The following RGS3 variants were observed in gnomAD, a reference collection of about 807,000 sequenced individuals.
RGS3 encodes the protein regulator of G-protein signalling 3.
In RGS3, 80 loss-of-function variants were observed where a neutral mutation model predicts 132.6. The observed-to-expected ratio is 0.60, with a 90% CI of 0.50 to 0.73. The LOEUF (loss-of-function observed/expected upper bound fraction) is 0.73, where lower values mean the gene tolerates loss of function less well. Among genes scored for constraint, RGS3 ranks in the 30% least tolerant of loss-of-function variants. RGS3 has a pLI of 0.00. For missense variants in RGS3, 1,382 were observed against 1,530.8 expected, an observed-to-expected ratio of 0.90 and a Z score of 1.62; for synonymous variants, 598 against 620.6, an observed-to-expected ratio of 0.96 and a Z score of 0.54.
chr9:113,502,168 C>T (rs1364075740), intron 10 of RGS3, among the ~76,000 whole-genome samples: 1 of 152,144 alleles, frequency 6.6e-6, no homozygotes, highest in Non-Finnish European at 1.5e-5. Flanking sequence ...GGTTTGGCCT[C>T]TTAGCCTCCG....
chr9:113,554,366 C>T (rs1255578696), intron 19 of RGS3, among the ~76,000 whole-genome samples: 6 of 152,156 alleles, frequency 3.9e-5, no homozygotes, highest in African/African-American at 1.4e-4. Flanking sequence ...AGTGCGGTGG[C>T]GCCATCTTGG....
intron 19 of RGS3, among the ~76,000 whole-genome samples, chr9:113,578,065 G>A (rs1834615273): frequency 6.6e-6 from 1 of 152,238 alleles, no homozygotes; most frequent in South Asian, 2.1e-4. Context: ...AGAGTGGACT[G>A]CGAGTCATCA....
At chr9:113,464,907 A>C (rs1829578080) in intron 3 of RGS3, among the ~76,000 whole-genome samples, 1 of 152,172 alleles carries the variant, frequency 6.6e-6, no homozygotes, top group African/African-American at 2.4e-5. Context: ...GGTTTTCCAC[A>C]ACCTGCTTTT....
chr9:113,551,670 G>A (rs1222392851), intron 19 of RGS3, among the ~76,000 whole-genome samples: 1 of 151,578 alleles, frequency 6.6e-6, no homozygotes, highest in Non-Finnish European at 1.5e-5. Flanking sequence ...GCAACATGGT[G>A]AAAACCTGTC....
chr9:113,448,470 G>C (rs773237627), intron 1 of RGS3, among the ~76,000 whole-genome samples: 1 of 151,476 alleles, frequency 6.6e-6, no homozygotes, highest in African/African-American at 2.4e-5. Context: ...TCCCCCTTCT[G>C]CCTGGCTATT....
At chr9:113,468,251 A>G (rs1352117739) in intron 3 of RGS3, among the ~76,000 whole-genome samples, 1 of 152,200 alleles carries the variant, frequency 6.6e-6, no homozygotes, top group Non-Finnish European at 1.5e-5. Context: ...GTAAGAGTTC[A>G]ACTTCATTGT....
chr9:113,455,997 C>T (rs1344296139), upstream of RGS3, among the ~76,000 whole-genome samples: 1 of 152,156 alleles, frequency 6.6e-6, no homozygotes. Context: ...GATGAAAGGT[C>T]AACAGGGACT....
chr9:113,539,261 C>T (rs1832804517), intron 19 of RGS3, among the ~76,000 whole-genome samples: 1 of 152,162 alleles, frequency 6.6e-6, no homozygotes, highest in Non-Finnish European at 1.5e-5. Context: ...GAGGAAGGGC[C>T]AAACGGAGCC....
Position 113,507,644 on chromosome 9 carries a change from G to T in RGS3, c.1437+6G>T. 4.1e-6 allele frequency: 6 copies of T among 1,453,608 alleles called. No individual in the cohort carries two copies. Among genetic ancestry groups the T allele is most frequent in the Non-Finnish European group, 5.5e-6 (6 of 1,098,492 alleles). The allele number at this position is 1,453,608 out of a possible 1,614,324, so 90.0% of individuals were successfully genotyped here. On this transcript the variant is annotated splice_donor_region_variant and intron_variant, in intron 13 of 24. Transcript: ENST00000350696. The surrounding 1 kb of genome is among the most constrained non-coding windows in gnomAD (Gnocchi z 5.0). ...CGCTGAATCCTGGGAGCCAGGTACG[G>T]ACAGCTGGTGTGGGGAAGGTGAAGG... is the stretch of plus-strand genomic sequence containing the variant.
At chr9:113,569,586 C>T (rs7872084) in intron 19 of RGS3, among the ~76,000 whole-genome samples, 4,080 of 103,896 alleles carry the variant, frequency 0.039, 64 homozygotes, top group Non-Finnish European at 0.05. Flanking sequence ...TCTTTCCTTC[C>T]TTCCTTCCTT....
At chr9:113,461,669 T>C (rs1351069587) in intron 1 of RGS3, 1 of 1,594,736 alleles carries the variant, frequency 6.3e-7, no homozygotes, top group African/African-American at 1.3e-5. Context: ...TTACCGGGTG[T>C]AAGTGCCCAG....
At chr9:113,524,328 T>C (rs752174307) in intron 17 of RGS3, among the ~76,000 whole-genome samples, 2 of 152,048 alleles carry the variant, frequency 1.3e-5, no homozygotes, top group Non-Finnish European at 2.9e-5. Flanking sequence ...TCCCCCTCCC[T>C]GCCCCCAGCC....
intron 17 of RGS3, among the ~76,000 whole-genome samples, chr9:113,524,850 G>T (rs945137992): frequency 6.6e-6 from 1 of 152,194 alleles, no homozygotes; most frequent in African/African-American, 2.4e-5. Flanking sequence ...TCCCCTTCTG[G>T]AGGCCCCAGG....
chr9:113,481,784 C>T lies in RGS3; in HGVS notation c.467-1275C>T, dbSNP rs568016407. Among the ~76,000 whole-genome samples the T allele has an allele frequency of 7.2e-5, 11 of 152,292 alleles. No individual in the cohort carries two copies. In the East Asian group the frequency reaches 7.7e-4, roughly 11 times the overall value. On this transcript the variant is annotated intron_variant, in intron 4 of 24. Coordinates refer to ENST00000350696, the Ensembl canonical transcript of RGS3. ...ACGTAAGGCTGGGTGCATTGGCTCACGCCTGTAATCCCAGCACTTTGGGAG... is the reference window on the plus strand; with the variant it reads ...ACGTAAGGCTGGGTGCATTGGCTCATGCCTGTAATCCCAGCACTTTGGGAG...
At chr9:113,500,165 T>G (rs1004166073) in intron 10 of RGS3, among the ~76,000 whole-genome samples, 4 of 152,236 alleles carry the variant, frequency 2.6e-5, no homozygotes, top group African/African-American at 9.6e-5. Context: ...TTTCCTGAAC[T>G]TATGTGCTCA....
chr9:113,554,546 A>G (rs1588242640), intron 19 of RGS3, among the ~76,000 whole-genome samples: 2 of 152,178 alleles, frequency 1.3e-5, no homozygotes, highest in African/African-American at 4.8e-5. Flanking sequence ...ACCTCAAGTG[A>G]TCCACTCACC....
intron 19 of RGS3, chr9:113,542,055 C>A: frequency 6.1e-6 from 1 of 164,906 alleles, no homozygotes; most frequent in Non-Finnish European, 1.3e-5. Flanking sequence ...CTGTGATCAT[C>A]TATGAAAGAA....
intron 23 of RGS3, 111 bp downstream of exon 21, chr9:113,595,091 C>T (rs565909823): frequency 3.9e-6 from 4 of 1,018,360 alleles, no homozygotes; most frequent in Non-Finnish European, 6.0e-6. Context: ...TCTCCTCGGC[C>T]GTCAGGGTGT....
intron 14 of RGS3, among the ~76,000 whole-genome samples, chr9:113,508,902 C>A (rs1477875724): frequency 6.6e-6 from 1 of 152,116 alleles, no homozygotes; most frequent in African/African-American, 2.4e-5. Flanking sequence ...GTGCCAGAGG[C>A]AATGTGGTTG....
Sources: allele counts gnomAD v4.1 joint callset (sites outside exome capture counted in the v4.1 genomes callset), GRCh38; gene constraint gnomAD v4.1.1; non-coding constraint Gnocchi (gnomAD v3.1); transcripts MANE v1.5; gene names NCBI Gene and HGNC (gene_info 2026-07-23, HGNC 2026-07-21).